NAV2: variants seen among roughly 807,000 people sequenced by gnomAD.
The protein encoded by NAV2 is neuron navigator 2.
Under a neutral mutation model 223.2 loss-of-function variants are expected in NAV2, and 54 were observed. That is an observed-to-expected ratio of 0.24 (90% CI 0.19 to 0.30). The LOEUF is 0.30. Ranked by LOEUF, NAV2 falls within the 10% of genes least tolerant of loss-of-function variation. The pLI, the probability that NAV2 is intolerant of heterozygous loss-of-function variation, is 1.00. For synonymous variants in NAV2, 1,279 were observed against 1,239.3 expected (o/e 1.03, Z -0.67); for missense variants, 2,806 against 3,147.5 (o/e 0.89, Z 2.60).
intron 1 of NAV2, among the ~76,000 whole-genome samples, chr11:19,596,755 G>A (rs1468489394): frequency 6.6e-6 from 1 of 152,238 alleles, no homozygotes; most frequent in Non-Finnish European, 1.5e-5. Context: ...TTCAGCAAAT[G>A]ATGGCACTAC....
intron 1 of NAV2, among the ~76,000 whole-genome samples, chr11:19,698,965 A>T (rs1232732138): frequency 6.6e-6 from 1 of 152,204 alleles, no homozygotes; most frequent in African/African-American, 2.4e-5. Flanking sequence ...CCCCTGCCTT[A>T]TGAAGAAGAC....
chr11:19,964,407 T>C (rs2048582623), intron 10 of NAV2, among the ~76,000 whole-genome samples: 1 of 152,110 alleles, frequency 6.6e-6, no homozygotes, highest in South Asian at 2.1e-4. Flanking sequence ...ACCATTGTAA[T>C]AATATTAACA....
chr11:19,734,116 A>G (rs1416156358), intron 1 of NAV2, among the ~76,000 whole-genome samples: 1 of 152,178 alleles, frequency 6.6e-6, no homozygotes, highest in Non-Finnish European at 1.5e-5. Context: ...CTAGGGCAGA[A>G]TCTGGTGACC....
chr11:19,466,101 T>C (rs555766580), intron 1 of NAV2, among the ~76,000 whole-genome samples: 1 of 152,296 alleles, frequency 6.6e-6, no homozygotes, highest in Non-Finnish European at 1.5e-5. Flanking sequence ...ACGATGATAA[T>C]GTTGGTGCTG....
intron 1 of NAV2, among the ~76,000 whole-genome samples, chr11:19,504,673 G>T (rs1443681138): frequency 6.6e-6 from 1 of 152,160 alleles, no homozygotes; most frequent in African/African-American, 2.4e-5. Context: ...CTTCCAAAGT[G>T]CTGGGAATGA....
intron 1 of NAV2, among the ~76,000 whole-genome samples, chr11:19,412,057 C>A (rs10833108): frequency 0.22 from 33,200 of 151,938 alleles, 3,721 homozygotes; most frequent in Middle Eastern, 0.31. Flanking sequence ...GTGGCACTGG[C>A]ACACCAGAGA....
chr11:20,067,350 A>C (rs897111375), intron 20 of NAV2, among the ~76,000 whole-genome samples: 3 of 152,226 alleles, frequency 2.0e-5, no homozygotes. Flanking sequence ...ACCCAGGAGC[A>C]GTCTTCCTTG....
At chr11:19,612,758 C>T (rs906286379) in intron 1 of NAV2, among the ~76,000 whole-genome samples, 3 of 152,158 alleles carry the variant, frequency 2.0e-5, no homozygotes, top group Admixed American at 2.0e-4. Context: ...CCAAACTTCC[C>T]CACATTTTCC....
intron 25 of NAV2, among the ~76,000 whole-genome samples, chr11:20,081,107 G>A (rs927956452): frequency 6.6e-6 from 1 of 152,158 alleles, no homozygotes; most frequent in African/African-American, 2.4e-5. Context: ...GTGTTATCTT[G>A]GATGGGTGGC....
intron 1 of NAV2, among the ~76,000 whole-genome samples, chr11:19,410,976 A>G (rs1850119846): frequency 6.6e-6 from 1 of 152,172 alleles, no homozygotes; most frequent in African/African-American, 2.4e-5. Context: ...TGTTGGGGCT[A>G]GAGGGACCCT....
chr11:19,742,998 C>T (rs1275089300), intron 1 of NAV2, among the ~76,000 whole-genome samples: 1 of 152,224 alleles, frequency 6.6e-6, no homozygotes, highest in Non-Finnish European at 1.5e-5. Flanking sequence ...TCTACCTGCT[C>T]ACAGTGCGGA....
At chr11:19,751,784 G>A (rs1753289450) in intron 1 of NAV2, among the ~76,000 whole-genome samples, 1 of 152,190 alleles carries the variant, frequency 6.6e-6, no homozygotes, top group Non-Finnish European at 1.5e-5. Context: ...GGTTGGAGCT[G>A]TCCCTGTTCA....
chr11:19,574,311 C>G (rs1158349452), intron 1 of NAV2, among the ~76,000 whole-genome samples: 2 of 152,230 alleles, frequency 1.3e-5, no homozygotes, highest in African/African-American at 4.8e-5. Flanking sequence ...TTATTATTAG[C>G]TACAGCCCCC....
At position 19,908,670 on chromosome 11, in the gene NAV2, T is replaced by C. The variant is rs565065125; in HGVS notation, c.931+16076T>C. ...AAATGGCCACATTTGCTAGTGGATATGGTATTTGACAGCACAGCTCTAGAA... is the reference window on the plus strand; with the variant it reads ...AAATGGCCACATTTGCTAGTGGATACGGTATTTGACAGCACAGCTCTAGAA... On this transcript the variant is annotated intron_variant, in intron 6 of 37. Transcript: ENST00000349880. Among the ~76,000 whole-genome samples the C allele has an allele frequency of 2.6e-5, 4 of 152,302 alleles. No individual in the cohort carries two copies. In the East Asian group the frequency reaches 5.8e-4, roughly 22 times the overall value.
intron 1 of NAV2, among the ~76,000 whole-genome samples, chr11:19,480,493 C>A (rs754738282): frequency 2.6e-5 from 4 of 152,242 alleles, no homozygotes; most frequent in African/African-American, 9.6e-5. Flanking sequence ...TTCTCCTGAG[C>A]GGTGGCGGTG....
rs1471521339 is a variant in NAV2, at chr11:20,121,487, G to T, written c.*3229G>T. Reference sequence around the variant, plus strand: ...AATTTTCATTTGTCATGAGGTTTTTGGATTTGCCAATGATCTGCTGGACAT... The same window carrying T: ...AATTTTCATTTGTCATGAGGTTTTTTGATTTGCCAATGATCTGCTGGACAT... On this transcript the variant is annotated 3_prime_UTR_variant, in exon 38 of 38. Transcript: ENST00000349880. 1 of 151,480 alleles carries T rather than the reference G, an allele frequency of 6.6e-6. No individual in the cohort carries two copies. 9.4% of individuals were successfully genotyped at this position (151,480 alleles called of 1,614,324 possible). A position where few individuals can be genotyped will look rare whatever the true frequency, so the allele number is the denominator to read the frequency against.
intron 6 of NAV2, among the ~76,000 whole-genome samples, chr11:19,923,082 AC>A (rs1327184717): frequency 4.6e-5 from 7 of 152,210 alleles, no homozygotes; most frequent in Non-Finnish European, 1.5e-5. Context: ...AAAGAATCCC[AC>A]ATTTTACTAG....
intron 1 of NAV2, among the ~76,000 whole-genome samples, chr11:19,532,772 C>T (rs560698269): frequency 6.6e-6 from 1 of 152,282 alleles, no homozygotes; most frequent in South Asian, 2.1e-4. Flanking sequence ...AAGGGCAACC[C>T]CTTCTTATGA....
At chr11:19,555,012 CA>C (rs66625282) in intron 1 of NAV2, among the ~76,000 whole-genome samples, 83,249 of 141,524 alleles carry the variant, frequency 0.59, 27,155 homozygotes, top group Non-Finnish European at 0.73. Context: ...CCATGTTTTG[CA>C]AAAAAAAAAA....
Sources: gnomAD v4.1 joint callset for allele counts (sites outside exome capture counted in the v4.1 genomes callset) on GRCh38, gnomAD v4.1.1 for gene constraint, MANE v1.5 for transcripts, NCBI Gene and HGNC (gene_info 2026-07-23, HGNC 2026-07-21) for gene names.